Variants in GFY observed in about 807,000 individuals in gnomAD.
The protein encoded by GFY is Golgi-associated olfactory signaling regulator.
GFY carries 28 observed loss-of-function variants against 29.1 expected under a neutral mutation model. That is an observed-to-expected ratio of 0.96 (90% confidence interval 0.71 to 1.32). The LOEUF (loss-of-function observed/expected upper bound fraction) is 1.32. GFY is among the 40% of genes most tolerant of loss of function. GFY has a pLI of 0.00. For missense variants in GFY, 656 were observed against 661.9 expected, an observed-to-expected ratio of 0.99 and a Z score of 0.10; for synonymous variants, 277 against 274.5, an observed-to-expected ratio of 1.01 and a Z score of -0.09.
At position 49,427,048 on chromosome 19, in the gene GFY, C is replaced by T. The variant is rs1171675309; in HGVS notation, c.618C>T (p.Thr206=). 3 of 1,535,616 alleles carry T rather than the reference C, an allele frequency of 2.0e-6. No homozygotes were observed. Among genetic ancestry groups the T allele is most frequent in the Admixed American group, 2.0e-5 (1 of 50,948 alleles). ...CCGAGACCTCAAACACTAACCCTAC[C>T]AAGACCCCTGACCCCAAATCCCCAG... The part of the protein sequence containing the change: ...ELPETSNTNP[T]KTPDPKSPEK... The change falls in exon 2 of 4, where the codon ACC becomes ACT. Residue 206 remains threonine (T), a synonymous_variant. Coordinates refer to ENST00000610896, the MANE Select transcript of GFY (RefSeq NM_001195256.2).
intron 3 of GFY, 107 bp from the exon 4 acceptor site, chr19:49,428,512 T>C: frequency 1.2e-6 from 1 of 827,340 alleles, no homozygotes; most frequent in East Asian, 3.0e-5. Context: ...CGGAATCCTC[T>C]CTCCGGCCTC....
rs182941456 is a variant in GFY, at chr19:49,425,652, C to T, written c.-22+163C>T. Among the ~76,000 whole-genome samples the T allele has an allele frequency of 6.8e-4, 103 of 152,258 alleles. 2 individuals are homozygous for T. Among genetic ancestry groups the T allele is most frequent in the African/African-American group, 2.3e-3 (97 of 41,544 alleles). Reference sequence around the variant, plus strand: ...CAGACTTGAGAGTCCTGCCCCAAAGCTCTCTTCTTCAAGTCCCTACCCCTC... The same window carrying T: ...CAGACTTGAGAGTCCTGCCCCAAAGTTCTCTTCTTCAAGTCCCTACCCCTC... On this transcript the variant is annotated intron_variant, in intron 1 of 3. Transcript: ENST00000610896.
At chr19:49,423,999 A>G (rs1032038409), upstream of GFY, 1 of 152,332 alleles carries the variant, frequency 6.6e-6, no homozygotes, top group East Asian at 1.9e-4. Flanking sequence ...AGAGGCCCAG[A>G]AAGATCGAGG....
At position 49,428,647 on chromosome 19, in the gene GFY, C is replaced by T. The variant is rs2078944446; in HGVS notation, c.1386C>T (p.Pro462=). The stretch of plus-strand genomic sequence containing the variant: ...TGCATTTGGACGCCCCGAAAGACCC[C>T]TACGACCTCTACTTTTATGCTCCGG... ...PVLHLDAPKD[P]YDLYFYAPDT... is the part of the protein sequence containing the mutation. Residue 462 remains proline (P), a synonymous_variant, in exon 4 of 4, where the codon CCC becomes CCT. Coordinates refer to ENST00000610896, the MANE Select transcript of GFY (RefSeq NM_001195256.2). 1 of 1,520,608 alleles carries T rather than the reference C, an allele frequency of 6.6e-7. No homozygotes were observed. Among genetic ancestry groups the T allele is most frequent in the Non-Finnish European group, 8.8e-7 (1 of 1,138,184 alleles). 94.2% of individuals were successfully genotyped at this position (1,520,608 alleles called of 1,614,324 possible). A position where few individuals can be genotyped will look rare whatever the true frequency, so the allele number is the denominator to read the frequency against.
At position 49,426,752 on chromosome 19, in the gene GFY, GACTC is replaced by G. The variant is rs763103162; in HGVS notation, c.329_332del (p.Leu110GlnfsTer137). The G allele has an allele frequency of 5.8e-5, 89 of 1,533,278 alleles. No individual in the cohort carries two copies. Among genetic ancestry groups the G allele is most frequent in the African/African-American group, 4.7e-4 (34 of 71,908 alleles). The allele number at this position is 1,533,278 out of a possible 1,614,324, so 95.0% of individuals were successfully genotyped here. A position where few individuals can be genotyped will look rare whatever the true frequency, so the allele number is the denominator to read the frequency against. ...AGAGTCTCCTGAGACCCCCAAAGCTGACTCACTCACAACCTCAATATCAGAATCC... is the reference window on the plus strand; with the variant it reads ...AGAGTCTCCTGAGACCCCCAAAGCTGACTCACAACCTCAATATCAGAATCC... On this transcript the variant is annotated frameshift_variant, in exon 2 of 4. Coordinates refer to ENST00000610896, the MANE Select transcript of GFY (RefSeq NM_001195256.2). LOFTEE classifies it high-confidence loss of function.
chr19:49,428,502 C>A (rs1030380939), intron 3 of GFY, 117 bp from the exon 4 acceptor site: 2 of 754,948 alleles, frequency 2.6e-6, no homozygotes, highest in Non-Finnish European at 3.9e-6. Context: ...AATGCAGAAT[C>A]GGAATCCTCT....
Position 49,427,393 on chromosome 19 carries a change from GC to G in GFY, c.966del (p.Thr323LeufsTer10). ...CCATCCAGCCCGACTCCCCAAAATT[GC>G]CCACTTCAGATTCTCCAGGAATGGT... ...AAIQPDSPKLPTSDSPGMVEL... is the reference protein window; with the variant it reads ...AAIQPDSPKLXTSDSPGMVEL... On this transcript the variant is annotated frameshift_variant, in exon 2 of 4. Transcript: ENST00000610896. LOFTEE classifies it high-confidence loss of function. The G allele has an allele frequency of 1.3e-6, 2 of 1,535,982 alleles. No individual in the cohort carries two copies. Among genetic ancestry groups the G allele is most frequent in the Non-Finnish European group, 1.7e-6 (2 of 1,146,822 alleles).
In GFY at chr19:49,426,654, C is replaced by T. The variant is rs1975076137; in HGVS notation, c.224C>T (p.Thr75Met). The T allele has an allele frequency of 5.2e-6, 8 of 1,535,996 alleles. No homozygotes were observed. In the African/African-American group the frequency reaches 1.1e-4, roughly 21 times the overall value. ...PYPEPSKLPH[T>M]VSLETFPLDF... ...CCTGAGCCTTCCAAGCTACCTCATACGGTTTCCCTGGAAACCTTCCCACTT... is the reference window on the plus strand; with the variant it reads ...CCTGAGCCTTCCAAGCTACCTCATATGGTTTCCCTGGAAACCTTCCCACTT... The change falls in exon 2 of 4, where the codon ACG becomes ATG. Residue 75 changes from threonine to methionine, a missense_variant. Physicochemically the swap from Thr to Met is moderately conservative, Grantham distance 81. Coordinates refer to ENST00000610896, the MANE Select transcript of GFY (RefSeq NM_001195256.2).
At chr19:49,425,001 G>C (rs571497006), upstream of GFY, among the ~76,000 whole-genome samples, 1 of 151,974 alleles carries the variant, frequency 6.6e-6, no homozygotes, top group African/African-American at 2.4e-5. Context: ...TCTAAGAGTG[G>C]ATGGGACAGG....
In GFY at chr19:49,427,465, C is replaced by T. The variant is rs1005291704; in HGVS notation, c.1035C>T (p.Val345=). 4 of 1,535,360 alleles carry T rather than the reference C, an allele frequency of 2.6e-6. No individual in the cohort carries two copies. Among genetic ancestry groups the T allele is most frequent in the Non-Finnish European group, 3.5e-6 (4 of 1,146,398 alleles). ...PQNSGPKESN[V]PPPSARIAGP... is the part of the protein sequence containing the mutation. ...ACTCTGGCCCTAAGGAGTCCAACGTCCCTCCTCCCTCAGCCCGGATTGCAG... is the reference window on the plus strand; with the variant it reads ...ACTCTGGCCCTAAGGAGTCCAACGTTCCTCCTCCCTCAGCCCGGATTGCAG... Residue 345 remains valine (V), a synonymous_variant, in exon 2 of 4, where the codon GTC becomes GTT. Transcript: ENST00000610896.
In GFY at chr19:49,428,741, C is replaced by T; in HGVS notation, c.1480C>T (p.Pro494Ser). 6.6e-7 allele frequency: 1 copy of T among 1,518,634 alleles called. No individual in the cohort carries two copies. 94.1% of individuals were successfully genotyped at this position (1,518,634 alleles called of 1,614,324 possible). A position where few individuals can be genotyped will look rare whatever the true frequency, so the allele number is the denominator to read the frequency against. ...PPTPPLPPKL[P>S]PPPRGGRPQR... is the part of the protein sequence containing the mutation. The stretch of plus-strand genomic sequence containing the variant: ...CACACCTCCTCTGCCACCAAAGCTG[C>T]CCCCGCCGCCCCGCGGGGGTCGCCC... The change falls in exon 4 of 4, where the codon CCC (proline) becomes TCC (serine). Residue 494 changes from proline (P) to serine (S), a missense_variant. Physicochemically the swap from Pro to Ser is moderately conservative, Grantham distance 74 (BLOSUM62 -1). Transcript: ENST00000610896.
chr19:49,425,275 T>C (rs558915070), upstream of GFY, among the ~76,000 whole-genome samples: 1 of 152,174 alleles, frequency 6.6e-6, no homozygotes, highest in African/African-American at 2.4e-5. Flanking sequence ...TCTAACTCCC[T>C]TCCCCACCCC....
chr19:49,424,155 G>A (rs1274572852), upstream of GFY: 3 of 152,372 alleles, frequency 2.0e-5, no homozygotes, highest in African/African-American at 7.2e-5. Flanking sequence ...GCTGCCCTAA[G>A]GATGTGTCTA....
rs749508675 is a variant in GFY at position 49,428,117 on chromosome 19, C to T, written c.1355C>T (p.Pro452Leu). The T allele has an allele frequency of 1.4e-5, 22 of 1,530,698 alleles. No homozygotes were observed. Among genetic ancestry groups the T allele is most frequent in the Non-Finnish European group, 1.8e-5 (21 of 1,142,436 alleles). 94.8% of individuals were successfully genotyped at this position (1,530,698 alleles called of 1,614,324 possible). The change falls in exon 3 of 4, where the codon CCG becomes CTG. Residue 452 changes from proline (P) to leucine (L), a missense_variant and splice_region_variant. Coordinates refer to ENST00000610896, the MANE Select transcript of GFY (RefSeq NM_001195256.2). ...HHRLPDDGDE[P>L]VLHLDAPKDP... ...CGGCTTCCGGACGACGGAGATGAACCGGGTGAGCGCCCTGCCCCTTGAATG... is the reference window on the plus strand; with the variant it reads ...CGGCTTCCGGACGACGGAGATGAACTGGGTGAGCGCCCTGCCCCTTGAATG...
upstream of GFY, among the ~76,000 whole-genome samples, chr19:49,425,222 A>C (rs181233814): frequency 6.6e-5 from 10 of 152,128 alleles, no homozygotes; most frequent in Non-Finnish European, 1.3e-4. Context: ...CACTGGTTTC[A>C]AAAAAATAAT....
chr19:49,428,949 G>A lies in GFY; in HGVS notation c.*131G>A. 1 of 596,498 alleles carries A rather than the reference G, an allele frequency of 1.7e-6. No homozygotes were observed. The highest frequency in any genetic ancestry group is 2.7e-6 in the Non-Finnish European group (1 of 375,016). 37.0% of individuals were successfully genotyped at this position (596,498 alleles called of 1,614,324 possible). A position where few individuals can be genotyped will look rare whatever the true frequency, so the allele number is the denominator to read the frequency against. On this transcript the variant is annotated 3_prime_UTR_variant, in exon 4 of 4. Coordinates refer to ENST00000610896, the MANE Select transcript of GFY (RefSeq NM_001195256.2). ...CAGAGATGCTTGCGCTGTGATCAGA[G>A]AACAAGGTCTGAGACCGAATAAATA...
rs1340975968 is a variant in GFY, at chr19:49,426,884, AC to A, written c.459del (p.Lys154AsnfsTer94). The A allele has an allele frequency of 1.0e-5, 16 of 1,535,556 alleles. No homozygotes were observed. Among genetic ancestry groups the A allele is most frequent in the Non-Finnish European group, 1.4e-5 (16 of 1,146,760 alleles). On this transcript the variant is annotated frameshift_variant, in exon 2 of 4. Transcript: ENST00000610896. LOFTEE classifies it high-confidence loss of function. ...TEMPHPGSPE[T>X]PKPNFSKTSR... ...AATGCCACACCCAGGATCCCCTGAG[AC>A]CCCCAAACCTAACTTCTCCAAAACT...
At position 49,427,448 on chromosome 19, in the gene GFY, C is replaced by G. The variant is rs1326114074; in HGVS notation, c.1018C>G (p.Pro340Ala). Residue 340 changes from proline (P) to alanine (A), a missense_variant, in exon 2 of 4, where the codon CCT becomes GCT. By Grantham distance (27) the Pro-to-Ala change is conservative (BLOSUM62 -1). Coordinates refer to ENST00000610896, the MANE Select transcript of GFY (RefSeq NM_001195256.2). ...GCTGAAGGCCCCCCAGAACTCTGGCCCTAAGGAGTCCAACGTCCCTCCTCC... is the reference window on the plus strand; with the variant it reads ...GCTGAAGGCCCCCCAGAACTCTGGCGCTAAGGAGTCCAACGTCCCTCCTCC... ...VELKAPQNSG[P>A]KESNVPPPSA... 5 of 1,535,618 alleles carry G rather than the reference C, an allele frequency of 3.3e-6. No homozygotes were observed.
chr19:49,428,296 C>T (rs1030912302), intron 3 of GFY, among the ~76,000 whole-genome samples, 177 bp downstream of exon 3: 3 of 152,334 alleles, frequency 2.0e-5, no homozygotes, highest in Admixed American at 6.5e-5. Context: ...AGTCCAGTGC[C>T]GCTCCCAATG....
Sources: allele counts gnomAD v4.1 joint callset (sites outside exome capture counted in the v4.1 genomes callset), GRCh38; gene constraint gnomAD v4.1.1; transcripts MANE v1.5; gene names NCBI Gene and HGNC (gene_info 2026-07-23, HGNC 2026-07-21).